Variants in HEPH observed in about 807,000 individuals in gnomAD.
HEPH encodes the protein hephaestin.
A neutral mutation model predicts 80.8 loss-of-function variants in HEPH; 69 were observed. The ratio of observed to expected loss-of-function variants is 0.85; its 90% CI spans 0.70 to 1.04. The LOEUF is 1.04. HEPH is among the 50% of genes least tolerant of loss of function. The pLI is 0.00. For synonymous variants in HEPH, 431 were observed against 322.8 expected, an observed-to-expected ratio of 1.34 and a Z score of -3.60; for missense variants, 1,115 against 891.3, an observed-to-expected ratio of 1.25 and a Z score of -3.20.
At chrX:66,226,021 T>C (rs1385453341) in intron 15 of HEPH, among the ~76,000 whole-genome samples, 4 of 111,555 alleles carry the variant, frequency 3.6e-5, no homozygotes, top group Non-Finnish European at 5.7e-5. Context: ...GGTTGTGATC[T>C]ATTGAGAAAG....
At chrX:66,265,585 G>A (rs1034761889) in intron 20 of HEPH, among the ~76,000 whole-genome samples, 1 of 110,919 alleles carries the variant, frequency 9.0e-6, no homozygotes, top group Non-Finnish European at 1.9e-5. Context: ...AGGTACAGGC[G>A]CTTGGAAAAC....
At chrX:66,201,925 A>G (rs927051444) in intron 12 of HEPH, among the ~76,000 whole-genome samples, 1 of 112,324 alleles carries the variant, frequency 8.9e-6, no homozygotes, top group Admixed American at 9.4e-5. Flanking sequence ...AGGGAAATAG[A>G]AGAAGTAGAT....
In HEPH at chrX:66,260,102, T is replaced by C; in HGVS notation, c.3039T>C (p.Asn1013=). 1 of 1,206,237 alleles carries C rather than the reference T, an allele frequency of 8.3e-7. No homozygotes were observed. The highest frequency in any genetic ancestry group is 1.1e-6 in the Non-Finnish European group (1 of 891,476). ...HFHAESFLYR[N]GENYRADVVD... ...CTCATTCCCAATCTCTCTTGCAGAA[T>C]GGCGAGAACTACCGGGCAGATGTGG... The change falls in exon 19 of 21, where the codon AAT becomes AAC. Residue 1013 remains asparagine (N), a splice_region_variant and synonymous_variant. Coordinates refer to ENST00000343002, the MANE Select transcript of HEPH (RefSeq NM_001367233.3).
At chrX:66,199,998 G>T (rs779216545) in intron 11 of HEPH, among the ~76,000 whole-genome samples, 5 of 108,275 alleles carry the variant, frequency 4.6e-5, no homozygotes, top group Non-Finnish European at 7.7e-5. Context: ...CAGAGAGGAG[G>T]CTATTTTAGT....
chrX:66,172,239 C>T lies in HEPH; in HGVS notation c.168-116C>T, dbSNP rs759237733. On this transcript the variant is annotated intron_variant, in intron 2 of 20. Coordinates refer to ENST00000343002, the MANE Select transcript of HEPH (RefSeq NM_001367233.3). Reference sequence around the variant, plus strand: ...GTTTTGATCAGTACAATGCCATTTCCTCTTGTTTTGTCCTAAACAAAGATA... The same window carrying T: ...GTTTTGATCAGTACAATGCCATTTCTTCTTGTTTTGTCCTAAACAAAGATA... 9 of 668,406 alleles carry T rather than the reference C, an allele frequency of 1.3e-5. No individual in the cohort carries two copies. The South Asian group carries it at 2.5e-4, about 19-fold the overall frequency. The allele number at this position is 668,406 out of a possible 1,213,427, so 55.1% of individuals were successfully genotyped here.
chrX:66,234,219 T>C (rs1405093020), intron 15 of HEPH, among the ~76,000 whole-genome samples: 2 of 111,379 alleles, frequency 1.8e-5, no homozygotes, highest in Non-Finnish European at 3.8e-5. Context: ...GCTCCATCTA[T>C]GTTTCTGCCA....
intron 15 of HEPH, among the ~76,000 whole-genome samples, chrX:66,220,020 A>G (rs1027728240): frequency 6.3e-5 from 7 of 111,613 alleles, no homozygotes; most frequent in African/African-American, 2.3e-4. Context: ...TTCCCACAGG[A>G]AAGGTGAAGT....
At chrX:66,191,070 A>T (rs1290885395) in intron 6 of HEPH, among the ~76,000 whole-genome samples, 1 of 111,633 alleles carries the variant, frequency 9.0e-6, no homozygotes, top group Non-Finnish European at 1.9e-5. Flanking sequence ...GTGATTTTGG[A>T]TCTTAGAGAA....
chrX:66,257,185 G>A (rs2091207996), intron 17 of HEPH, among the ~76,000 whole-genome samples: 2 of 112,092 alleles, frequency 1.8e-5, no homozygotes, highest in Admixed American at 9.5e-5. Flanking sequence ...ACTTCACAAG[G>A]CAGAAATTTT....
intron 11 of HEPH, 51 bp from the exon 12 acceptor site, chrX:66,200,489 G>A: frequency 3.0e-6 from 3 of 1,008,781 alleles, no homozygotes; most frequent in Non-Finnish European, 4.1e-6. Context: ...GGCCAGTGCT[G>A]GAGTAGTCTG....
intron 17 of HEPH, among the ~76,000 whole-genome samples, chrX:66,258,591 G>A (rs1199065202): frequency 1.8e-5 from 2 of 111,316 alleles, no homozygotes; most frequent in Non-Finnish European, 3.8e-5. Context: ...GCAGGAGAGA[G>A]TAATTAAAAT....
In HEPH at chrX:66,256,181, A is replaced by G. The variant is rs759334084; in HGVS notation, c.2747A>G (p.Asp916Gly). The G allele has an allele frequency of 1.7e-6, 2 of 1,210,160 alleles. No individual in the cohort carries two copies. The highest frequency in any genetic ancestry group is 1.7e-5 in the African/African-American group (1 of 57,433). The change falls in exon 17 of 21, where the codon GAC (aspartate) becomes GGC (glycine). Residue 916 changes from aspartate to glycine, a missense_variant. Physicochemically the swap from Asp to Gly is moderately conservative, Grantham distance 94. Around this residue, in one of 3 missense-constraint regions of HEPH, gnomAD observed 716 missense variants for 523.5 expected, o/e 1.37. Coordinates refer to ENST00000343002, the MANE Select transcript of HEPH (RefSeq NM_001367233.3). ...CTGGAGCCCCATGGAGGACGGAGTGACATGGATCGGGAATTTGCATTGTTG... is the reference window on the plus strand; with the variant it reads ...CTGGAGCCCCATGGAGGACGGAGTGGCATGGATCGGGAATTTGCATTGTTG... Reference protein sequence around the residue: ...GILEPHGGRSDMDREFALLFL... With the variant: ...GILEPHGGRSGMDREFALLFL...
At chrX:66,178,577 C>A (rs909668176) in intron 4 of HEPH, among the ~76,000 whole-genome samples, 1 of 112,041 alleles carries the variant, frequency 8.9e-6, no homozygotes, top group African/African-American at 3.2e-5. Context: ...TAAGAGTGTT[C>A]CTATTTCTCC....
At chrX:66,198,815 A>G in intron 10 of HEPH, 63 bp from the exon 11 acceptor site, 1 of 867,076 alleles carries the variant, frequency 1.2e-6, no homozygotes, top group East Asian at 3.2e-5. Context: ...CTGTAACGAC[A>G]CAGTCTACAA....
intron 13 of HEPH, among the ~76,000 whole-genome samples, chrX:66,206,004 C>A (rs1448528567): frequency 9.0e-6 from 1 of 110,923 alleles, no homozygotes; most frequent in Non-Finnish European, 1.9e-5. Context: ...CATCTCTGTG[C>A]AATTGATTGC....
chrX:66,223,605 G>T (rs950935402), intron 15 of HEPH, among the ~76,000 whole-genome samples: 1 of 111,549 alleles, frequency 9.0e-6, no homozygotes, highest in Non-Finnish European at 1.9e-5. Flanking sequence ...AAAACCCATT[G>T]TGTTTTTACT....
intron 4 of HEPH, among the ~76,000 whole-genome samples, chrX:66,181,864 A>T (rs1215773967): frequency 1.9e-5 from 2 of 102,574 alleles, no homozygotes; most frequent in African/African-American, 3.6e-5. Context: ...TCCATCTTGA[A>T]TTGATTTTTG....
intron 15 of HEPH, among the ~76,000 whole-genome samples, chrX:66,209,971 T>C (rs2089021884): frequency 9.0e-6 from 1 of 111,440 alleles, no homozygotes; most frequent in African/African-American, 3.3e-5. Flanking sequence ...AAGGAATAGA[T>C]GTGGGAAGCA....
rs150294767 is a variant in HEPH at position 66,207,771 on chromosome X, A to T, written c.2432-344A>T. The stretch of plus-strand genomic sequence containing the variant: ...CCTAAAGAGATCCTCTCAATTCTTT[A>T]TTGTCTGCCAAACTTATCACTCTTT... On this transcript the variant is annotated intron_variant, in intron 14 of 20. Transcript: ENST00000343002. Among the ~76,000 whole-genome samples the T allele has an allele frequency of 3.7e-3, 418 of 111,730 alleles. 4 individuals are homozygous for T. Among genetic ancestry groups the T allele is most frequent in the African/African-American group, 0.013 (397 of 30,750 alleles).
Sources: gnomAD v4.1 joint callset for allele counts (sites outside exome capture counted in the v4.1 genomes callset) on GRCh38, gnomAD v4.1.1 for gene constraint, gnomAD v4.1.1 regional missense constraint, MANE v1.5 for transcripts, NCBI Gene and HGNC (gene_info 2026-07-23, HGNC 2026-07-21) for gene names.